Variants in TNRC6B observed in about 807,000 individuals in gnomAD.
TNRC6B encodes trinucleotide repeat-containing gene 6B protein.
A neutral mutation model predicts 203.6 loss-of-function variants in TNRC6B; 52 were observed. The observed-to-expected ratio is 0.26, with a 90% confidence interval of 0.20 to 0.32. TNRC6B has a LOEUF of 0.32. TNRC6B is among the 10% of genes least tolerant of loss of function. The pLI is 1.00. For synonymous variants in TNRC6B, 838 were observed against 845.7 expected (o/e 0.99, Z 0.16); for missense variants, 1,923 against 2,286.2 (o/e 0.84, Z 3.24).
intron 2 of TNRC6B, among the ~76,000 whole-genome samples, chr22:40,125,562 C>T (rs1489390114): frequency 6.6e-6 from 1 of 152,170 alleles, no homozygotes; most frequent in Non-Finnish European, 1.5e-5. Flanking sequence ...CCCTTCTCCC[C>T]CAAGATGGGA....
intron 12 of TNRC6B, among the ~76,000 whole-genome samples, chr22:40,292,908 T>C (rs2070887508): frequency 6.6e-6 from 1 of 152,244 alleles, no homozygotes; most frequent in African/African-American, 2.4e-5. Context: ...TTATATTCTT[T>C]CTGCATGTGT....
In TNRC6B at chr22:40,281,107, A is replaced by G; in HGVS notation, c.3412-12A>G. ...CACTCGTTGTGATTGGCTAACTCCT[A>G]CTACTTTTCAGCTGACTTTGCCTTT... is the stretch of plus-strand genomic sequence containing the variant. On this transcript the variant is annotated splice_polypyrimidine_tract_variant and intron_variant, in intron 10 of 22. Transcript: ENST00000454349. 3 of 1,544,476 alleles carry G rather than the reference A, an allele frequency of 1.9e-6. No individual in the cohort carries two copies. Among genetic ancestry groups the G allele is most frequent in the Non-Finnish European group, 2.6e-6 (3 of 1,143,560 alleles).
At chr22:40,158,162 A>G (rs573094256) in intron 4 of TNRC6B, among the ~76,000 whole-genome samples, 1 of 151,914 alleles carries the variant, frequency 6.6e-6, no homozygotes, top group Non-Finnish European at 1.5e-5. Context: ...ACGTGGTGAA[A>G]CCCTGTCTCT....
At chr22:40,076,038 A>G (rs778203518) in intron 1 of TNRC6B, among the ~76,000 whole-genome samples, 9 of 152,186 alleles carry the variant, frequency 5.9e-5, no homozygotes, top group African/African-American at 9.7e-5. Context: ...GCCATTTCCA[A>G]TGCCCTTTAT....
At chr22:40,176,251 C>A (rs1365852201), upstream of TNRC6B, among the ~76,000 whole-genome samples, 1 of 151,812 alleles carries the variant, frequency 6.6e-6, no homozygotes, top group South Asian at 2.1e-4. Flanking sequence ...AGCTCAGCCT[C>A]CCTAGTAGCT....
In TNRC6B at chr22:40,189,978, A is replaced by T. The variant is rs139858017; in HGVS notation, c.5+11838A>T. On this transcript the variant is annotated intron_variant, in intron 1 of 22. Coordinates refer to ENST00000454349, the MANE Select transcript of TNRC6B (RefSeq NM_001162501.2). ...GTCTCATTAAATTGAATAAAGCTTTATGAAAATGATTACATTGTTTCCTTT... is the reference window on the plus strand; with the variant it reads ...GTCTCATTAAATTGAATAAAGCTTTTTGAAAATGATTACATTGTTTCCTTT... Among the ~76,000 whole-genome samples, 435 of 152,380 alleles carry T rather than the reference A, an allele frequency of 2.9e-3. 2 individuals are homozygous for T. The highest frequency in any genetic ancestry group is 0.01 in the African/African-American group (418 of 41,588).
chr22:40,146,044 A>G (rs1213250411), intron 3 of TNRC6B, among the ~76,000 whole-genome samples: 1 of 152,220 alleles, frequency 6.6e-6, no homozygotes, highest in Non-Finnish European at 1.5e-5. Context: ...GCTGTGGCAG[A>G]ATGAGAAGAA....
chr22:40,175,639 T>C (rs1205331801), upstream of TNRC6B, among the ~76,000 whole-genome samples: 1 of 152,242 alleles, frequency 6.6e-6, no homozygotes, highest in Non-Finnish European at 1.5e-5. Context: ...GCAAGTAGGC[T>C]TTCAGTAACT....
intron 12 of TNRC6B, among the ~76,000 whole-genome samples, chr22:40,298,303 G>T (rs1030712993): frequency 6.6e-6 from 1 of 152,080 alleles, no homozygotes; most frequent in African/African-American, 2.4e-5. Flanking sequence ...GACATCTTAG[G>T]CATTGTTCAT....
Position 40,074,622 on chromosome 22 carries a change from C to CA in TNRC6B, c.-121+29631dup, listed in dbSNP as rs769644026. On this transcript the variant is annotated intron_variant, in intron 1 of 23. Transcript: ENST00000301923. ...TAAAACCCCGTCTCTACTAAAAATA[C>CA]AAAAAAATTAGCCAGGCGTGGTGGT... Among the ~76,000 whole-genome samples, 38 of 151,650 alleles carry CA rather than the reference C, an allele frequency of 2.5e-4. 1 individual carries two copies. The highest frequency in any genetic ancestry group is 9.8e-4 in the Admixed American group (15 of 15,242).
intron 1 of TNRC6B, among the ~76,000 whole-genome samples, chr22:40,095,076 C>T (rs1474804737): frequency 6.6e-6 from 1 of 152,156 alleles, no homozygotes; most frequent in African/African-American, 2.4e-5. Flanking sequence ...CCGTACACTC[C>T]AGAAATCTTT....
At chr22:40,313,152 A>G (rs551688970) in intron 19 of TNRC6B, among the ~76,000 whole-genome samples, 155 bp downstream of exon 19, 22 of 152,292 alleles carry the variant, frequency 1.4e-4, no homozygotes, top group Middle Eastern at 6.8e-3. Context: ...TCTGTTTGCT[A>G]TGTCTTTGAG....
At chr22:40,269,562 C>T (rs549817671) in intron 5 of TNRC6B, among the ~76,000 whole-genome samples, 1 of 152,126 alleles carries the variant, frequency 6.6e-6, no homozygotes, top group Admixed American at 6.5e-5. Context: ...GTAATTTCAC[C>T]TATTTTTACA....
chr22:40,285,295 A>G (rs1287043903), intron 11 of TNRC6B, among the ~76,000 whole-genome samples: 1 of 152,268 alleles, frequency 6.6e-6, no homozygotes, highest in African/African-American at 2.4e-5. Flanking sequence ...CTCAGATTAT[A>G]AAGTTTGAGA....
At chr22:40,069,997 A>G (rs965575745) in intron 1 of TNRC6B, among the ~76,000 whole-genome samples, 1 of 152,176 alleles carries the variant, frequency 6.6e-6, no homozygotes, top group African/African-American at 2.4e-5. Context: ...TTATGTAGGT[A>G]CAAGTGTTGT....
At chr22:40,088,616 G>GTGTGTGTC (rs2068121562) in intron 1 of TNRC6B, among the ~76,000 whole-genome samples, 1 of 150,412 alleles carries the variant, frequency 6.6e-6, no homozygotes, top group Admixed American at 6.6e-5. Context: ...GTGTGTGTGT[G>GTGTGTGTC]TGTGTGTGTG....
At chr22:40,052,765 C>G (rs2067760401) in intron 1 of TNRC6B, among the ~76,000 whole-genome samples, 1 of 152,062 alleles carries the variant, frequency 6.6e-6, no homozygotes. Flanking sequence ...TTGTTGACTT[C>G]CCCATAGGAC....
chr22:40,093,160 A>T (rs1042961139), intron 1 of TNRC6B, among the ~76,000 whole-genome samples: 1 of 152,274 alleles, frequency 6.6e-6, no homozygotes, highest in Non-Finnish European at 1.5e-5. Flanking sequence ...TTCAGAAGCA[A>T]ACAACATCAT....
At position 40,266,084 on chromosome 22, in the gene TNRC6B, C is replaced by G. The variant is rs2070475075; in HGVS notation, c.1854C>G (p.Leu618=). ...GAACTGATTTGGACCCCAGGGTGCT[C>G]TCAAACACTGGCTGGGGCCAAACTC... is the stretch of plus-strand genomic sequence containing the variant. ...LSRTDLDPRV[L]SNTGWGQTQI... Residue 618 remains leucine (L), a synonymous_variant, in exon 5 of 23, where the codon CTC becomes CTG. Coordinates refer to ENST00000454349, the MANE Select transcript of TNRC6B (RefSeq NM_001162501.2). 1 of 1,613,804 alleles carries G rather than the reference C, an allele frequency of 6.2e-7. No homozygotes were observed.
Sources: allele counts gnomAD v4.1 joint callset (sites outside exome capture counted in the v4.1 genomes callset), GRCh38; gene constraint gnomAD v4.1.1; transcripts MANE v1.5; gene names NCBI Gene and HGNC (gene_info 2026-07-23, HGNC 2026-07-21).